ZSCAN25: variants seen among roughly 807,000 people sequenced by gnomAD.
ZSCAN25 encodes the protein zinc finger and SCAN domain containing 25, also known as zinc finger and SCAN domain-containing protein 25.
Under a neutral mutation model 38.7 loss-of-function variants are expected in ZSCAN25, and 27 were observed. The observed-to-expected ratio is 0.70, with a 90% confidence interval of 0.51 to 0.96. The LOEUF (loss-of-function observed/expected upper bound fraction) is 0.96, where lower values mean the gene tolerates loss of function less well. Ranked by LOEUF, ZSCAN25 falls within the 40% of genes least tolerant of loss-of-function variation. ZSCAN25 has a pLI of 0.00. For synonymous variants in ZSCAN25, 273 were observed against 277.7 expected, an observed-to-expected ratio of 0.98 and a Z score of 0.17; for missense variants, 637 against 705.9, an observed-to-expected ratio of 0.90 and a Z score of 1.11.
chr7:99,665,624 G>T, the ZSCAN25 span, among the ~76,000 whole-genome samples: 1 of 152,300 alleles, frequency 6.6e-6, no homozygotes, highest in East Asian at 1.9e-4. Flanking sequence ...GTTGAGTGTG[G>T]ATGATATAAG....
At chr7:99,617,473 C>T (rs1469921541) in intron 1 of ZSCAN25, among the ~76,000 whole-genome samples, 2 of 152,156 alleles carry the variant, frequency 1.3e-5, no homozygotes, top group African/African-American at 4.8e-5. Flanking sequence ...CCCAGCTACT[C>T]GGGAGGCTGA....
the ZSCAN25 span, among the ~76,000 whole-genome samples, chr7:99,644,851 G>A: frequency 6.6e-6 from 1 of 152,128 alleles, no homozygotes; most frequent in Non-Finnish European, 1.5e-5. Flanking sequence ...GGGACAGGTT[G>A]AGGTCAGCTC....
At chr7:99,660,700 C>G in the ZSCAN25 span, 1 of 1,604,956 alleles carries the variant, frequency 6.2e-7, no homozygotes, top group South Asian at 1.1e-5. Context: ...ATCAGGTCAA[C>G]GTACAACATC....
At chr7:99,624,247 C>T (rs532619050) in intron 7 of ZSCAN25, 67 bp downstream of exon 7, 8 of 1,603,658 alleles carry the variant, frequency 5.0e-6, no homozygotes, top group South Asian at 3.3e-5. Context: ...GGGGTCCTGC[C>T]GTAGCTCTGG....
chr7:99,680,128 G>C, the ZSCAN25 span: 1 of 526,952 alleles, frequency 1.9e-6, no homozygotes. Flanking sequence ...GAGGAATCAT[G>C]AAAAGCTTAA....
the ZSCAN25 span, chr7:99,638,577 A>G: frequency 3.2e-6 from 5 of 1,566,056 alleles, no homozygotes; most frequent in African/African-American, 1.4e-5. Context: ...GGCCACCCAC[A>G]TCCCATATGT....
chr7:99,663,939 A>C, the ZSCAN25 span: 6 of 1,561,070 alleles, frequency 3.8e-6, no homozygotes, highest in Middle Eastern at 7.5e-4. Context: ...AAACCTAAAC[A>C]TCGTCATTTA....
chr7:99,723,319 G>A, the ZSCAN25 span, among the ~76,000 whole-genome samples: 2 of 152,106 alleles, frequency 1.3e-5, no homozygotes, highest in African/African-American at 4.8e-5. Context: ...GATCGACCTC[G>A]TGACATTCTT....
chr7:99,733,404 A>G, the ZSCAN25 span, among the ~76,000 whole-genome samples: 1 of 152,166 alleles, frequency 6.6e-6, no homozygotes, highest in African/African-American at 2.4e-5. Context: ...TGTTTGGTAG[A>G]GTAATGCTGC....
At chr7:99,647,634 T>G in the ZSCAN25 span, 1 of 985,418 alleles carries the variant, frequency 1.0e-6, no homozygotes, top group Non-Finnish European at 1.2e-6. Flanking sequence ...AAATATGTTC[T>G]TCAAAGAAGG....
At chr7:99,717,729 T>G in the ZSCAN25 span, 41 of 1,475,150 alleles carry the variant, frequency 2.8e-5, no homozygotes, top group Non-Finnish European at 3.5e-5. Context: ...ATCATGTATT[T>G]AACAAATATT....
chr7:99,666,446 G>A, the ZSCAN25 span, among the ~76,000 whole-genome samples: 2 of 152,142 alleles, frequency 1.3e-5, no homozygotes, highest in African/African-American at 4.8e-5. Context: ...CGCCTCATGG[G>A]AGCCACTCCC....
At chr7:99,660,077 C>G in the ZSCAN25 span, 1 of 442,836 alleles carries the variant, frequency 2.3e-6, no homozygotes, top group Non-Finnish European at 3.0e-6. Context: ...CTGTCCTGCA[C>G]CCACTCTCCA....
the ZSCAN25 span, among the ~76,000 whole-genome samples, chr7:99,723,194 C>T: frequency 1.3e-5 from 2 of 152,128 alleles, no homozygotes; most frequent in Non-Finnish European, 2.9e-5. Context: ...TCCAGATGGC[C>T]TGAGGCAACC....
the ZSCAN25 span, among the ~76,000 whole-genome samples, chr7:99,736,220 AAGAAG>A: frequency 2.0e-5 from 3 of 152,184 alleles, no homozygotes; most frequent in Non-Finnish European, 2.9e-5. Context: ...GTAGGGGAGA[AAGAAG>A]AGAAGAGAAC....
chr7:99,734,919 C>T, the ZSCAN25 span: 1 of 1,566,726 alleles, frequency 6.4e-7, no homozygotes, highest in Non-Finnish European at 8.8e-7. Flanking sequence ...CCACGGCCAG[C>T]CTGAACATCC....
the ZSCAN25 span, chr7:99,731,141 C>T: frequency 5.0e-6 from 8 of 1,613,660 alleles, no homozygotes; most frequent in Non-Finnish European, 6.8e-6. Flanking sequence ...TCCATGTGTA[C>T]GGGTTCCATA....
the ZSCAN25 span, chr7:99,705,475 A>G: frequency 8.1e-6 from 13 of 1,611,660 alleles, no homozygotes; most frequent in South Asian, 1.3e-4. Flanking sequence ...TTTCTTAAAG[A>G]GCAAACCAGA....
In ZSCAN25 at chr7:99,629,939, C is replaced by G; in HGVS notation, c.1554C>G (p.Ala518=). The G allele has an allele frequency of 6.2e-7, 1 of 1,613,738 alleles. No individual in the cohort carries two copies. Among genetic ancestry groups the G allele is most frequent in the Non-Finnish European group, 8.5e-7 (1 of 1,179,792 alleles). The stretch of plus-strand genomic sequence containing the variant: ...GGGAGAAGCCCTACCACTGTCCTGC[C>G]TGCGGGCGAAGCTTCAACCAGAGGT... ...HTGEKPYHCP[A]CGRSFNQRSI... Residue 518 remains alanine, a synonymous_variant, in exon 8 of 8, where the codon GCC becomes GCG. Transcript: ENST00000394152. The surrounding 1 kb of genome is among the most constrained non-coding windows in gnomAD (Gnocchi z 5.6).
Sources: allele counts gnomAD v4.1 joint callset (sites outside exome capture counted in the v4.1 genomes callset), GRCh38; gene constraint gnomAD v4.1.1; non-coding constraint Gnocchi (gnomAD v3.1); transcripts MANE v1.5; gene names NCBI Gene and HGNC (gene_info 2026-07-23, HGNC 2026-07-21).